Variants in ENG observed in about 807,000 individuals in gnomAD.
The protein encoded by ENG is CD105 antigen.
In ENG, 17 loss-of-function variants were observed where a neutral mutation model predicts 71.0. That is an observed-to-expected ratio of 0.24 (90% confidence interval 0.16 to 0.36). The LOEUF (loss-of-function observed/expected upper bound fraction) is 0.36, where lower values mean the gene tolerates loss of function less well. ENG is among the 10% of genes least tolerant of loss of function. ENG has a pLI of 1.00. For missense variants in ENG, 749 were observed against 868.3 expected, an observed-to-expected ratio of 0.86 and a Z score of 1.73; for synonymous variants, 360 against 366.9, an observed-to-expected ratio of 0.98 and a Z score of 0.21.
intron 2 of ENG, 83 bp from the exon 3 acceptor site, chr9:127,829,910 A>G: frequency 6.3e-7 from 1 of 1,588,012 alleles, no homozygotes; most frequent in Admixed American, 1.7e-5. Flanking sequence ...GATGATTTGG[A>G]TGCTTCCACT....
chr9:127,851,213 T>G (rs1831276043), intron 1 of ENG, among the ~76,000 whole-genome samples: 1 of 152,086 alleles, frequency 6.6e-6, no homozygotes, highest in South Asian at 2.1e-4. Flanking sequence ...AATCTCTACA[T>G]GCTTGTTCTT....
rs754570127 is a variant in ENG, at chr9:127,854,341, C to T, written c.15G>A (p.Thr5=). The T allele has an allele frequency of 1.4e-5, 22 of 1,593,768 alleles. No individual in the cohort carries two copies. The South Asian group carries it at 1.9e-4, about 14-fold the overall frequency. The change falls in exon 1 of 15, where the codon ACG becomes ACA. Residue 5 remains threonine (T), a synonymous_variant. Coordinates refer to ENST00000373203, the MANE Select transcript of ENG (RefSeq NM_001114753.3). ...GCAGCAGGGCAACAGCCAGAGGGAGCGTGCCGCGGTCCATGCTGTCCACGT... is the reference window on the plus strand; with the variant it reads ...GCAGCAGGGCAACAGCCAGAGGGAGTGTGCCGCGGTCCATGCTGTCCACGT... MDRG[T]LPLAVALLLA...
At chr9:127,852,381 G>T (rs1457725473) in intron 1 of ENG, among the ~76,000 whole-genome samples, 1 of 152,134 alleles carries the variant, frequency 6.6e-6, no homozygotes, top group Non-Finnish European at 1.5e-5. Context: ...CCTACCCCCA[G>T]CTGGCTTCCA....
intron 2 of ENG, among the ~76,000 whole-genome samples, chr9:127,831,652 T>C (rs1222957823): frequency 6.6e-6 from 1 of 151,632 alleles, no homozygotes; most frequent in Admixed American, 6.6e-5. Flanking sequence ...CCCAAAGTGC[T>C]GGGATTACAG....
chr9:127,841,916 A>T (rs780940261), intron 2 of ENG, among the ~76,000 whole-genome samples: 1 of 152,202 alleles, frequency 6.6e-6, no homozygotes, highest in Non-Finnish European at 1.5e-5. Flanking sequence ...CTTCTCCAAG[A>T]AGTGGGGATA....
At chr9:127,843,275 G>A (rs200580426) in intron 1 of ENG, 30 bp from the exon 2 acceptor site, 2 of 1,613,842 alleles carry the variant, frequency 1.2e-6, no homozygotes, top group African/African-American at 2.7e-5. Context: ...AAAGAGGCCA[G>A]GTGAGAATAA....
At chr9:127,818,470 C>T in intron 11 of ENG, 93 bp from the exon 12 acceptor site, 1 of 1,571,584 alleles carries the variant, frequency 6.4e-7, no homozygotes. Context: ...TTAAGAGTTC[C>T]CACCCCTGAG....
In ENG at chr9:127,838,854, T is replaced by C. The variant is rs1157586121; in HGVS notation, c.219+4240A>G. On this transcript the variant is annotated intron_variant, in intron 2 of 14. Transcript: ENST00000373203. This position sits in a 1 kb window ranked among gnomAD's most constrained non-coding sequence, Gnocchi z 4.3. ...CTGCAGACCTGCCCAGCACACGCACTGAGCGGCACTTCCCCAAGGCTCTCG... is the reference window on the plus strand; with the variant it reads ...CTGCAGACCTGCCCAGCACACGCACCGAGCGGCACTTCCCCAAGGCTCTCG... Among the ~76,000 whole-genome samples, 1 of 152,132 alleles carries C rather than the reference T, an allele frequency of 6.6e-6. No individual in the cohort carries two copies. The highest frequency in any genetic ancestry group is 1.9e-4 in the East Asian group (1 of 5,190).
intron 1 of ENG, among the ~76,000 whole-genome samples, chr9:127,843,528 A>AT (rs1048691485): frequency 5.3e-5 from 8 of 151,618 alleles, no homozygotes; most frequent in African/African-American, 1.7e-4. Context: ...CAATGAGTGC[A>AT]TTTTTTTAAG....
chr9:127,815,563 C>T lies in ENG; in HGVS notation c.*119G>A, dbSNP rs1231269256. On this transcript the variant is annotated 3_prime_UTR_variant, in exon 15 of 15. Coordinates refer to ENST00000373203, the MANE Select transcript of ENG (RefSeq NM_001114753.3). ...GAGAGGGAGGCGGGAAGGGTAGGCG[C>T]GGAGAGCAGGCTCCATTCTGGGTCG... 33 of 1,462,122 alleles carry T rather than the reference C, an allele frequency of 2.3e-5. No homozygotes were observed. Among genetic ancestry groups the T allele is most frequent in the East Asian group, 2.2e-4 (9 of 40,232 alleles). 90.6% of individuals were successfully genotyped at this position (1,462,122 alleles called of 1,614,324 possible).
At chr9:127,843,011 C>CA in intron 2 of ENG, 83 bp downstream of exon 2, 1 of 1,603,318 alleles carries the variant, frequency 6.2e-7, no homozygotes, top group Non-Finnish European at 8.5e-7. Flanking sequence ...GCCCCAGGGA[C>CA]AGCCACAAGG....
At chr9:127,832,790 CT>C (rs1474650501) in intron 2 of ENG, 1 of 152,098 alleles carries the variant, frequency 6.6e-6, no homozygotes, top group African/African-American at 2.4e-5. Context: ...TGGAGTCTTG[CT>C]CTGTTGCCAG....
chr9:127,827,813 C>T (rs1385057020), intron 3 of ENG, among the ~76,000 whole-genome samples: 3 of 151,520 alleles, frequency 2.0e-5, no homozygotes, highest in East Asian at 1.9e-4. Flanking sequence ...GTCAGGAGTT[C>T]GAGACCAGCC....
chr9:127,837,759 C>T (rs532253082), intron 2 of ENG, among the ~76,000 whole-genome samples: 2 of 149,936 alleles, frequency 1.3e-5, no homozygotes, highest in South Asian at 4.3e-4. Context: ...TCCATCCTCT[C>T]ATCCATGCAT....
chr9:127,827,588 A>G (rs900246381), intron 3 of ENG, among the ~76,000 whole-genome samples: 25 of 152,228 alleles, frequency 1.6e-4, no homozygotes, highest in Admixed American at 1.2e-3. Flanking sequence ...AGCCAAGGGC[A>G]TTGAGCTGAA....
intron 8 of ENG, chr9:127,822,433 T>G (rs989043125): frequency 6.6e-6 from 1 of 152,250 alleles, no homozygotes; most frequent in African/African-American, 2.4e-5. Context: ...GTATTGAAAC[T>G]TCATTCATTT....
intron 2 of ENG, among the ~76,000 whole-genome samples, chr9:127,837,067 C>T (rs1193357337): frequency 6.6e-6 from 1 of 152,172 alleles, no homozygotes; most frequent in African/African-American, 2.4e-5. Flanking sequence ...AGATTACAGG[C>T]GTGAGACACC....
chr9:127,825,444 C>T (rs1465962712), intron 5 of ENG, 87 bp from the exon 6 acceptor site: 4 of 1,584,652 alleles, frequency 2.5e-6, no homozygotes, highest in African/African-American at 2.7e-5. Context: ...GGCGGCTGCA[C>T]TCTTACCTGG....
At position 127,850,390 on chromosome 9, in the gene ENG, T is replaced by G. The variant is rs539586505; in HGVS notation, c.67+3899A>C. Among the ~76,000 whole-genome samples the G allele has an allele frequency of 7.2e-5, 11 of 152,362 alleles. No homozygotes were observed. The East Asian group carries it at 2.1e-3, about 29-fold the overall frequency. On this transcript the variant is annotated intron_variant, in intron 1 of 14. Transcript: ENST00000373203. The stretch of plus-strand genomic sequence containing the variant: ...CACCTCCAGCCCTGGGGCAAAAGAA[T>G]GGGTCTGTCGCCCGAGGGCCCAGCA...
Sources: allele counts gnomAD v4.1 joint callset (sites outside exome capture counted in the v4.1 genomes callset), GRCh38; gene constraint gnomAD v4.1.1; non-coding constraint Gnocchi (gnomAD v3.1); transcripts MANE v1.5; gene names NCBI Gene and HGNC (gene_info 2026-07-23, HGNC 2026-07-21).